ADD2: variants seen among roughly 807,000 people sequenced by gnomAD.
The protein encoded by ADD2 is beta-adducin.
A neutral mutation model predicts 83.0 loss-of-function variants in ADD2; 23 were observed. That is an observed-to-expected ratio of 0.28 (90% CI 0.20 to 0.39). ADD2 has a LOEUF of 0.39. Among genes scored for constraint, ADD2 ranks in the 10% least tolerant of loss-of-function variants. The probability of loss-of-function intolerance (pLI) is 1.00; values close to 1 mark genes in which losing one functional copy is unlikely to be tolerated. For missense variants in ADD2, 758 were observed against 944.9 expected (o/e 0.80, Z 2.59); for synonymous variants, 375 against 375.4 (o/e 1.00, Z 0.01).
chr2:70,734,940 G>T (rs1335541608), intron 1 of ADD2, among the ~76,000 whole-genome samples: 1 of 152,136 alleles, frequency 6.6e-6, no homozygotes. Flanking sequence ...TGTACTAGGG[G>T]CTAGTGAGGA....
chr2:70,667,151 T>C (rs373278724), intron 15 of ADD2, among the ~76,000 whole-genome samples: 231 of 152,138 alleles, frequency 1.5e-3, no homozygotes, highest in African/African-American at 5.3e-3. Context: ...AGAAGAACCT[T>C]TGACTTTATC....
intron 9 of ADD2, among the ~76,000 whole-genome samples, chr2:70,684,371 C>T (rs1439038066): frequency 2.6e-5 from 4 of 152,206 alleles, no homozygotes; most frequent in African/African-American, 9.7e-5. Flanking sequence ...CCTCAGCCTC[C>T]TGAGTAGCTG....
chr2:70,716,335 G>A (rs1362903068), intron 1 of ADD2, among the ~76,000 whole-genome samples: 1 of 151,982 alleles, frequency 6.6e-6, no homozygotes, highest in African/African-American at 2.4e-5. Context: ...TGCTCTCCAG[G>A]GGCTATTCCC....
chr2:70,759,310 G>A (rs1003310393), intron 1 of ADD2, among the ~76,000 whole-genome samples: 6 of 152,154 alleles, frequency 3.9e-5, no homozygotes, highest in South Asian at 2.1e-4. Flanking sequence ...GTGGAATAGC[G>A]TTTATTTACA....
chr2:70,709,115 A>G (rs1348475491), intron 2 of ADD2, among the ~76,000 whole-genome samples: 13 of 152,190 alleles, frequency 8.5e-5, no homozygotes, highest in Non-Finnish European at 1.9e-4. Flanking sequence ...GGAGTGCTCC[A>G]AATGCCACCA....
chr2:70,687,551 G>A (rs1321144277), intron 9 of ADD2, among the ~76,000 whole-genome samples: 4 of 151,948 alleles, frequency 2.6e-5, no homozygotes, highest in African/African-American at 9.7e-5. Context: ...TTTTCTGGAC[G>A]TGACCATGTC....
chr2:70,679,623 T>G (rs1201101718), intron 10 of ADD2, among the ~76,000 whole-genome samples: 5 of 152,176 alleles, frequency 3.3e-5, no homozygotes, highest in African/African-American at 1.2e-4. Flanking sequence ...TCTTCTTTTA[T>G]TTTTAAATTA....
chr2:70,689,095 CA>C (rs533244103), intron 8 of ADD2, among the ~76,000 whole-genome samples: 1 of 150,382 alleles, frequency 6.6e-6, no homozygotes, highest in African/African-American at 2.4e-5. Flanking sequence ...GACTCCGTCT[CA>C]AAAAAAAACC....
rs1345131621 is a variant in ADD2, at chr2:70,768,155, C to T, written c.-423G>A. On this transcript the variant is annotated 5_prime_UTR_variant, in exon 1 of 16. Coordinates refer to ENST00000264436, the MANE Select transcript of ADD2 (RefSeq NM_001617.4). ...TCCCGCTAGTCCCTCACAGCCCTGCCGTCAGAATTAAAGCCATTTCCCGCA... is the reference window on the plus strand; with the variant it reads ...TCCCGCTAGTCCCTCACAGCCCTGCTGTCAGAATTAAAGCCATTTCCCGCA... 2.0e-5 allele frequency: 12 copies of T among 611,346 alleles called. No individual in the cohort carries two copies. The East Asian group carries it at 2.8e-4, about 14-fold the overall frequency. 37.9% of individuals were successfully genotyped at this position (611,346 alleles called of 1,614,324 possible). A position where few individuals can be genotyped will look rare whatever the true frequency, so the allele number is the denominator to read the frequency against.
At chr2:70,724,849 C>A (rs1461523259) in intron 1 of ADD2, among the ~76,000 whole-genome samples, 1 of 152,212 alleles carries the variant, frequency 6.6e-6, no homozygotes, top group African/African-American at 2.4e-5. Context: ...GTGGACAGGA[C>A]AGATGCCCAC....
At chr2:70,714,993 A>G (rs2104418081) in intron 1 of ADD2, among the ~76,000 whole-genome samples, 1 of 152,210 alleles carries the variant, frequency 6.6e-6, no homozygotes, top group South Asian at 2.1e-4. Flanking sequence ...CCCAACCCCC[A>G]TTGCTGCTGA....
In ADD2 at chr2:70,676,371, C is replaced by T; in HGVS notation, c.1593+425G>A. On this transcript the variant is annotated intron_variant, in intron 13 of 15. Coordinates refer to ENST00000264436, the MANE Select transcript of ADD2 (RefSeq NM_001617.4). The surrounding 1 kb of genome is among the most constrained non-coding windows in gnomAD (Gnocchi z 4.8). ...TCTCTATGGGTACATGATCATCTTTCCAGAGCTCTGGTTGGATGATGTCAT... is the reference window on the plus strand; with the variant it reads ...TCTCTATGGGTACATGATCATCTTTTCAGAGCTCTGGTTGGATGATGTCAT... 1.8e-6 allele frequency: 2 copies of T among 1,097,464 alleles called. No individual in the cohort carries two copies. The highest frequency in any genetic ancestry group is 4.0e-5 in the South Asian group (1 of 24,910). The allele number at this position is 1,097,464 out of a possible 1,614,324, so 68.0% of individuals were successfully genotyped here.
chr2:70,681,892 A>G (rs1176885200), intron 10 of ADD2, among the ~76,000 whole-genome samples: 2 of 151,992 alleles, frequency 1.3e-5, no homozygotes, highest in Non-Finnish European at 2.9e-5. Flanking sequence ...CATGTTTTGT[A>G]TTTTTTGTAG....
At position 70,704,445 on chromosome 2, in the gene ADD2, C is replaced by A; in HGVS notation, c.198G>T (p.Glu66Asp). 6.2e-7 allele frequency: 1 copy of A among 1,614,164 alleles called. No individual in the cohort carries two copies. Among genetic ancestry groups the A allele is most frequent in the South Asian group, 1.1e-5 (1 of 91,074 alleles). ...TCTGCTCCTGGATGAGGCCTTCCAGCTCCTCCCTGAAAGACTGAAGCAGGC... is the reference window on the plus strand; with the variant it reads ...TCTGCTCCTGGATGAGGCCTTCCAGATCCTCCCTGAAAGACTGAAGCAGGC... ...MILQSPSFREELEGLIQEQMK... is the reference protein window; with the variant it reads ...MILQSPSFREDLEGLIQEQMK... The change falls in exon 4 of 16, where the codon GAG becomes GAT. Residue 66 changes from glutamate (E) to aspartate (D), a missense_variant. Around this residue, in one of 5 missense-constraint regions of ADD2, gnomAD observed 175 missense variants for 192.1 expected, o/e 0.91. Coordinates refer to ENST00000264436, the MANE Select transcript of ADD2 (RefSeq NM_001617.4).
chr2:70,711,331 T>C (rs1672164996), intron 2 of ADD2: 1 of 152,130 alleles, frequency 6.6e-6, no homozygotes, highest in Non-Finnish European at 1.5e-5. Flanking sequence ...TTTATACTAA[T>C]AAGGTGACCT....
At chr2:70,746,004 T>A (rs1361125998) in intron 1 of ADD2, among the ~76,000 whole-genome samples, 1 of 152,242 alleles carries the variant, frequency 6.6e-6, no homozygotes, top group Admixed American at 6.5e-5. Flanking sequence ...CAGGGAAAAG[T>A]TGTAAATAAT....
At chr2:70,698,932 G>A (rs1251320596) in intron 4 of ADD2, among the ~76,000 whole-genome samples, 2 of 152,088 alleles carry the variant, frequency 1.3e-5, no homozygotes, top group Non-Finnish European at 2.9e-5. Context: ...AAGGCAAATG[G>A]AGCTAGACAG....
chr2:70,716,520 A>C (rs55687579), intron 1 of ADD2, among the ~76,000 whole-genome samples: 5,286 of 152,208 alleles, frequency 0.035, 254 homozygotes, highest in East Asian at 0.11. Flanking sequence ...TTCCACTTGC[A>C]GCCTGGCAGC....
chr2:70,727,860 C>T (rs781957590), intron 1 of ADD2, among the ~76,000 whole-genome samples: 2 of 151,748 alleles, frequency 1.3e-5, no homozygotes, highest in Non-Finnish European at 2.9e-5. Flanking sequence ...CGTGCCACTG[C>T]ACTCCAGCCT....
Sources: allele counts gnomAD v4.1 joint callset (sites outside exome capture counted in the v4.1 genomes callset), GRCh38; gene constraint gnomAD v4.1.1; regional missense constraint gnomAD v4.1.1; non-coding constraint Gnocchi (gnomAD v3.1); transcripts MANE v1.5; gene names NCBI Gene and HGNC (gene_info 2026-07-23, HGNC 2026-07-21).